B3GALT1: variants seen among roughly 807,000 people sequenced by gnomAD.
B3GALT1 encodes beta-1,3-galactosyltransferase 1.
In B3GALT1, 10 loss-of-function variants were observed where a neutral mutation model predicts 23.2. That is an observed-to-expected ratio of 0.43 (90% CI 0.27 to 0.73). B3GALT1 has a LOEUF of 0.73. Ranked by LOEUF, B3GALT1 falls within the 30% of genes least tolerant of loss-of-function variation. B3GALT1 has a pLI of 0.21. For synonymous variants in B3GALT1, 156 were observed against 141.5 expected (o/e 1.10, Z -0.73); for missense variants, 299 against 405.4 (o/e 0.74, Z 2.25).
chr2:167,655,428 T>A (rs1163713180), intron 3 of B3GALT1, among the ~76,000 whole-genome samples: 1 of 152,162 alleles, frequency 6.6e-6, no homozygotes, highest in East Asian at 1.9e-4. Context: ...CAAATAACAC[T>A]GACTAAATTT....
chr2:167,512,594 G>GTATATATATATGTA (rs1700033490), intron 2 of B3GALT1, among the ~76,000 whole-genome samples: 2 of 57,330 alleles, frequency 3.5e-5, no homozygotes, highest in African/African-American at 1.4e-4. Context: ...ATATATATGT[G>GTATATATATATGTA]TATATATATA....
chr2:167,567,171 G>A (rs1488662674), intron 2 of B3GALT1, among the ~76,000 whole-genome samples: 5 of 152,038 alleles, frequency 3.3e-5, no homozygotes, highest in Admixed American at 6.5e-5. Context: ...AGGAGAGTGT[G>A]GCTGTATAAA....
intron 2 of B3GALT1, among the ~76,000 whole-genome samples, chr2:167,630,483 T>TAATTATTGTTATATTTGAC (rs1179181878): frequency 1.3e-5 from 2 of 151,862 alleles, no homozygotes; most frequent in Non-Finnish European, 2.9e-5. Flanking sequence ...TGGGTATTAT[T>TAATTATTGTTATATTTGAC]AATTATTGTT....
At chr2:167,310,672 T>G (rs968203283) in intron 1 of B3GALT1, among the ~76,000 whole-genome samples, 1 of 151,968 alleles carries the variant, frequency 6.6e-6, no homozygotes, top group African/African-American at 2.4e-5. Context: ...TAGTGAGCCC[T>G]TTGTAGAATG....
intron 3 of B3GALT1, among the ~76,000 whole-genome samples, chr2:167,683,964 A>G (rs1041081020): frequency 2.1e-4 from 32 of 151,994 alleles, no homozygotes; most frequent in African/African-American, 6.3e-4. Flanking sequence ...TTCTTCACCA[A>G]TCTCTTTCTT....
intron 1 of B3GALT1, among the ~76,000 whole-genome samples, chr2:167,351,736 C>A (rs893803182): frequency 6.6e-6 from 1 of 152,056 alleles, no homozygotes; most frequent in Admixed American, 6.6e-5. Context: ...TGAAATGATT[C>A]AATTTTCTTT....
rs1432757423 is a variant in B3GALT1, at chr2:167,519,759, G to T, written c.-410+29482G>T. On this transcript the variant is annotated intron_variant, in intron 2 of 4. Coordinates refer to ENST00000392690, the MANE Select transcript of B3GALT1 (RefSeq NM_020981.4). ...TAATCGTATCATTGCATGTCCTTTT[G>T]TTCCTTTTCTCTATACAAGAAAAAT... Among the ~76,000 whole-genome samples, 3 of 152,078 alleles carry T rather than the reference G, an allele frequency of 2.0e-5. No individual in the cohort carries two copies. The East Asian group carries it at 5.8e-4, about 29-fold the overall frequency.
At chr2:167,531,634 A>G (rs1683327928) in intron 2 of B3GALT1, among the ~76,000 whole-genome samples, 1 of 152,188 alleles carries the variant, frequency 6.6e-6, no homozygotes, top group Non-Finnish European at 1.5e-5. Context: ...CTGTGATGCC[A>G]CCATCTAGAT....
intron 3 of B3GALT1, among the ~76,000 whole-genome samples, chr2:167,693,245 C>G (rs928620176): frequency 6.6e-6 from 1 of 151,746 alleles, no homozygotes; most frequent in South Asian, 2.1e-4. Flanking sequence ...AATTGAATAC[C>G]AACTTGAAAA....
At chr2:167,626,119 A>G (rs956489919) in intron 2 of B3GALT1, among the ~76,000 whole-genome samples, 1 of 151,238 alleles carries the variant, frequency 6.6e-6, no homozygotes, top group Non-Finnish European at 1.5e-5. Context: ...GAAAAGAAAC[A>G]TGAAGTTGGT....
intron 1 of B3GALT1, among the ~76,000 whole-genome samples, chr2:167,392,005 T>A (rs1231024236): frequency 6.6e-6 from 1 of 152,136 alleles, no homozygotes; most frequent in African/African-American, 2.4e-5. Flanking sequence ...CTTACCGGAC[T>A]TGACTTCTTG....
chr2:167,366,375 T>C (rs1300592752), intron 1 of B3GALT1, among the ~76,000 whole-genome samples: 1 of 152,112 alleles, frequency 6.6e-6, no homozygotes, highest in East Asian at 1.9e-4. Flanking sequence ...TATAGAATAG[T>C]TTTGAAAGCA....
intron 1 of B3GALT1, among the ~76,000 whole-genome samples, chr2:167,445,598 T>C (rs1698970766): frequency 6.6e-6 from 1 of 152,262 alleles, no homozygotes. Flanking sequence ...CTTGTGGAAT[T>C]GATCCCTTTA....
At chr2:167,332,060 G>A (rs1347030704) in intron 1 of B3GALT1, among the ~76,000 whole-genome samples, 1 of 152,174 alleles carries the variant, frequency 6.6e-6, no homozygotes, top group East Asian at 1.9e-4. Context: ...AGACTTGGGG[G>A]CTTGTGAGAC....
intron 2 of B3GALT1, among the ~76,000 whole-genome samples, chr2:167,537,628 C>A (rs1208636031): frequency 6.6e-6 from 1 of 151,960 alleles, no homozygotes; most frequent in African/African-American, 2.4e-5. Context: ...TTTTCAAGCC[C>A]CTTCCCTGAT....
intron 2 of B3GALT1, among the ~76,000 whole-genome samples, chr2:167,537,021 A>G: frequency 6.6e-6 from 1 of 152,260 alleles, no homozygotes; most frequent in East Asian, 1.9e-4. Flanking sequence ...GAAGCCTAAC[A>G]TGGTGATTGT....
At position 167,543,530 on chromosome 2, in the gene B3GALT1, T is replaced by A. The variant is rs532758251; in HGVS notation, c.-410+53253T>A. 2.8e-4 allele frequency among the ~76,000 whole-genome samples: 42 copies of A among 152,262 alleles called. No homozygotes were observed. The South Asian group carries it at 8.7e-3, about 32-fold the overall frequency. Reference sequence around the variant, plus strand: ...AAGAAAAATTATGAAAAAAGCAAATTGATCATTCAAGTTAAATTATTGTTT... The same window carrying A: ...AAGAAAAATTATGAAAAAAGCAAATAGATCATTCAAGTTAAATTATTGTTT... On this transcript the variant is annotated intron_variant, in intron 2 of 4. Coordinates refer to ENST00000392690, the MANE Select transcript of B3GALT1 (RefSeq NM_020981.4).
At chr2:167,592,279 T>C (rs1684697438) in intron 2 of B3GALT1, among the ~76,000 whole-genome samples, 1 of 152,194 alleles carries the variant, frequency 6.6e-6, no homozygotes, top group African/African-American at 2.4e-5. Context: ...CTGCGGACTC[T>C]CTGCCCCAAT....
At chr2:167,838,979 C>T (rs75704459) in intron 4 of B3GALT1, among the ~76,000 whole-genome samples, 1 of 121,574 alleles carries the variant, frequency 8.2e-6, no homozygotes, top group Non-Finnish European at 1.9e-5. Flanking sequence ...ATTCAACAAC[C>T]CTTCATGCTA....
Sources: gnomAD v4.1 joint callset for allele counts (sites outside exome capture counted in the v4.1 genomes callset) on GRCh38, gnomAD v4.1.1 for gene constraint, MANE v1.5 for transcripts, NCBI Gene and HGNC (gene_info 2026-07-23, HGNC 2026-07-21) for gene names.